LPP: variants seen among roughly 807,000 people sequenced by gnomAD.
LPP encodes LIM domain containing preferred translocation partner in lipoma, also known as lipoma-preferred partner.
LPP carries 38 observed loss-of-function variants against 60.4 expected under a neutral mutation model. The ratio of observed to expected loss-of-function variants is 0.63; its 90% CI spans 0.49 to 0.83. LPP has a LOEUF of 0.83. LPP is among the 40% of genes least tolerant of loss of function. The probability of loss-of-function intolerance (pLI) is 0.00; values close to 1 mark genes in which losing one functional copy is unlikely to be tolerated. For missense variants in LPP, 902 were observed against 783.6 expected (o/e 1.15, Z -1.80); for synonymous variants, 328 against 290.8 (o/e 1.13, Z -1.30).
chr3:188,484,359 C>T (rs537624426), intron 4 of LPP, among the ~76,000 whole-genome samples: 10 of 152,228 alleles, frequency 6.6e-5, no homozygotes, highest in African/African-American at 2.4e-4. Flanking sequence ...TATATTGACC[C>T]CTCTAGACTA....
intron 8 of LPP, among the ~76,000 whole-genome samples, chr3:188,737,803 C>T (rs1055640607): frequency 2.0e-5 from 3 of 152,144 alleles, no homozygotes; most frequent in African/African-American, 4.8e-5. Flanking sequence ...CATTTCCAAC[C>T]CTGTGATTTA....
At chr3:188,207,805 C>T (rs1733727059) in intron 1 of LPP, among the ~76,000 whole-genome samples, 1 of 152,010 alleles carries the variant, frequency 6.6e-6, no homozygotes, top group African/African-American at 2.4e-5. Flanking sequence ...CTGTGCCCCC[C>T]TGCTCCATCC....
chr3:188,671,297 T>G (rs1161111030), intron 7 of LPP, among the ~76,000 whole-genome samples: 1 of 152,322 alleles, frequency 6.6e-6, no homozygotes, highest in East Asian at 1.9e-4. Flanking sequence ...ATAAATTATT[T>G]TGGCATATTA....
chr3:188,579,651 CTTTT>C (rs10582877), intron 6 of LPP, among the ~76,000 whole-genome samples: 1 of 144,660 alleles, frequency 6.9e-6, no homozygotes, highest in Non-Finnish European at 1.5e-5. Flanking sequence ...CTAAATCTCG[CTTTT>C]TTTTTTTTTT....
At chr3:188,870,150 G>A (rs1767733952) in intron 10 of LPP, among the ~76,000 whole-genome samples, 2 of 151,818 alleles carry the variant, frequency 1.3e-5, no homozygotes, top group Admixed American at 1.3e-4. Flanking sequence ...GTGTGTGTGT[G>A]TATATACATA....
Position 188,609,337 on chromosome 3 carries a change from G to A in LPP, c.606G>A (p.Gln202=). The stretch of plus-strand genomic sequence containing the variant: ...CTCCAATCGGAACACTCAAACCCCA[G>A]CCTCAGCCAGTCCCAGCCTCCTACA... ...PVAPIGTLKP[Q]PQPVPASYTT... The change falls in exon 7 of 12, where the codon CAG becomes CAA. Residue 202 remains glutamine (Q), a synonymous_variant. Coordinates refer to ENST00000617246, the MANE Select transcript of LPP (RefSeq NM_001375462.1). The surrounding 1 kb of genome is among the most constrained non-coding windows in gnomAD (Gnocchi z 6.9). 6.2e-7 allele frequency: 1 copy of A among 1,614,030 alleles called. No individual in the cohort carries two copies. The highest frequency in any genetic ancestry group is 8.5e-7 in the Non-Finnish European group (1 of 1,180,004).
At chr3:188,645,298 A>T (rs1850906816) in intron 7 of LPP, among the ~76,000 whole-genome samples, 1 of 151,102 alleles carries the variant, frequency 6.6e-6, no homozygotes, top group African/African-American at 2.4e-5. Flanking sequence ...AGGGTTGGAG[A>T]GAGAGAGAGA....
At chr3:188,247,413 T>C (rs1464962522) in intron 2 of LPP, among the ~76,000 whole-genome samples, 1 of 152,222 alleles carries the variant, frequency 6.6e-6, no homozygotes, top group Admixed American at 6.5e-5. Flanking sequence ...GCAAAGACTT[T>C]AACATTTATT....
At chr3:188,828,613 T>TAAA (rs1560263433) in intron 9 of LPP, among the ~76,000 whole-genome samples, 1 of 12,226 alleles carries the variant, frequency 8.2e-5, no homozygotes, top group African/African-American at 3.8e-4. Flanking sequence ...AAACTCTGTC[T>TAAA]CAAAAAAAAA....
chr3:188,699,920 G>T (rs1163164036), intron 7 of LPP, among the ~76,000 whole-genome samples: 1 of 152,142 alleles, frequency 6.6e-6, no homozygotes, highest in Non-Finnish European at 1.5e-5. Flanking sequence ...GCAAACTGCA[G>T]ACTTGACACA....
intron 7 of LPP, among the ~76,000 whole-genome samples, chr3:188,638,120 A>G (rs941270020): frequency 4.2e-5 from 6 of 142,818 alleles, no homozygotes; most frequent in African/African-American, 7.8e-5. Flanking sequence ...CCTCAATAAA[A>G]TACTGGCAAA....
intron 9 of LPP, among the ~76,000 whole-genome samples, chr3:188,818,214 A>G (rs1045012279): frequency 6.6e-6 from 1 of 152,216 alleles, no homozygotes; most frequent in African/African-American, 2.4e-5. Context: ...TCCAAGTTTC[A>G]TAACTTCTAA....
In LPP at chr3:188,157,181, TTATA is replaced by T. The variant is rs148815005; in HGVS notation, c.-190+2930_-190+2933del. Among the ~76,000 whole-genome samples, 1,149 of 152,300 alleles carry T rather than the reference TTATA, an allele frequency of 7.5e-3. 23 individuals are homozygous for T. The highest frequency in any genetic ancestry group is 0.026 in the African/African-American group (1,083 of 41,554). On this transcript the variant is annotated intron_variant, in intron 1 of 11. Transcript: ENST00000617246. Reference sequence around the variant, plus strand: ...TTATGAATGTACAGTGCTTTGCACTTTATAAAACACTTTCCAATCAGATACTCCA... The same window carrying T: ...TTATGAATGTACAGTGCTTTGCACTTAAACACTTTCCAATCAGATACTCCA...
intron 9 of LPP, among the ~76,000 whole-genome samples, chr3:188,859,227 G>A (rs1218713113): frequency 6.6e-6 from 1 of 151,768 alleles, no homozygotes; most frequent in Non-Finnish European, 1.5e-5. Context: ...AGGCTTATCT[G>A]CGACTCCTAT....
chr3:188,332,221 C>A (rs1253123741), intron 2 of LPP, among the ~76,000 whole-genome samples: 2 of 152,154 alleles, frequency 1.3e-5, no homozygotes, highest in African/African-American at 4.8e-5. Flanking sequence ...TGAATTTTCG[C>A]AGCTGCTGCC....
At chr3:188,797,380 G>T (rs896194802) in intron 9 of LPP, among the ~76,000 whole-genome samples, 1 of 152,188 alleles carries the variant, frequency 6.6e-6, no homozygotes, top group African/African-American at 2.4e-5. Context: ...TAGTAGGAAG[G>T]CATTTGCCAC....
At chr3:188,371,991 CTTTTT>C (rs547260887) in intron 3 of LPP, among the ~76,000 whole-genome samples, 2 of 144,802 alleles carry the variant, frequency 1.4e-5, no homozygotes, top group Non-Finnish European at 3.0e-5. Flanking sequence ...TTTTTCTTTT[CTTTTT>C]TTTTTTCTCC....
chr3:188,316,395 A>G (rs940667644), intron 2 of LPP, among the ~76,000 whole-genome samples: 10 of 152,192 alleles, frequency 6.6e-5, no homozygotes, highest in Admixed American at 1.3e-4. Context: ...TGCTATGATC[A>G]TGCTACTTCA....
intron 7 of LPP, among the ~76,000 whole-genome samples, chr3:188,620,215 A>G (rs1006365462): frequency 1.2e-4 from 18 of 152,284 alleles, no homozygotes; most frequent in Middle Eastern, 3.4e-3. Context: ...TATTTTTAGT[A>G]TATTCACAGT....
Sources: allele counts gnomAD v4.1 joint callset (sites outside exome capture counted in the v4.1 genomes callset), GRCh38; gene constraint gnomAD v4.1.1; non-coding constraint Gnocchi (gnomAD v3.1); transcripts MANE v1.5; gene names NCBI Gene and HGNC (gene_info 2026-07-23, HGNC 2026-07-21).